Variants in CHRNB3 observed in about 807,000 individuals in gnomAD.
The protein encoded by CHRNB3 is neuronal acetylcholine receptor subunit beta-3.
CHRNB3 carries 37 observed loss-of-function variants against 40.6 expected under a neutral mutation model. The ratio of observed to expected loss-of-function variants is 0.91; its 90% CI spans 0.70 to 1.20. CHRNB3 has a LOEUF of 1.20. CHRNB3 is among the 50% of genes most tolerant of loss of function. The probability of loss-of-function intolerance (pLI) is 0.00; values close to 1 mark genes in which losing one functional copy is unlikely to be tolerated. For missense variants in CHRNB3, 505 were observed against 551.2 expected, an observed-to-expected ratio of 0.92 and a Z score of 0.84; for synonymous variants, 207 against 207.1, an observed-to-expected ratio of 1.00 and a Z score of 0.00.
chr8:42,726,507 T>G (rs1816312636), intron 3 of CHRNB3, among the ~76,000 whole-genome samples: 1 of 149,764 alleles, frequency 6.7e-6, no homozygotes, highest in Non-Finnish European at 1.5e-5. Flanking sequence ...TGAGATACAG[T>G]CTAGCTCTGT....
chr8:42,699,650 C>T (rs1586388720), intron 1 of CHRNB3: 1 of 152,150 alleles, frequency 6.6e-6, no homozygotes, highest in East Asian at 1.9e-4. Flanking sequence ...ATCCCAGCTG[C>T]TCGGGAGACT....
chr8:42,697,903 G>A (rs184608118), intron 1 of CHRNB3, among the ~76,000 whole-genome samples: 3 of 152,128 alleles, frequency 2.0e-5, no homozygotes, highest in Admixed American at 6.5e-5. Flanking sequence ...AATGCACTGA[G>A]CATTACTCAG....
chr8:42,700,026 T>C lies in CHRNB3; in HGVS notation c.52+2428T>C, dbSNP rs552012830. 1.3e-3 allele frequency among the ~76,000 whole-genome samples: 200 copies of C among 152,086 alleles called. 8 individuals are homozygous for C. The South Asian group carries it at 0.04, about 30-fold the overall frequency. ...TCTTCAATAATTTCTTTTCTTTTTT[T>C]TTTTTGAGATGGAGTCTCGCTCTGT... On this transcript the variant is annotated intron_variant, in intron 1 of 5. Transcript: ENST00000289957.
intron 1 of CHRNB3, among the ~76,000 whole-genome samples, chr8:42,702,904 C>T (rs1445730137): frequency 1.3e-5 from 2 of 152,112 alleles, no homozygotes; most frequent in African/African-American, 2.4e-5. Flanking sequence ...TGAATTTTTG[C>T]AATAAGGGAA....
At chr8:42,726,157 T>C in intron 3 of CHRNB3, 1 of 1,360,926 alleles carries the variant, frequency 7.3e-7, no homozygotes, top group Non-Finnish European at 1.0e-6. Flanking sequence ...CTTTGAGGGC[T>C]TGATAAGCTG....
At chr8:42,731,327 G>A (rs184947815) in intron 4 of CHRNB3, among the ~76,000 whole-genome samples, 5 of 152,166 alleles carry the variant, frequency 3.3e-5, no homozygotes, top group African/African-American at 9.6e-5. Flanking sequence ...AGGCCGAGGC[G>A]GGCAATTCAT....
intron 1 of CHRNB3, among the ~76,000 whole-genome samples, chr8:42,701,509 A>T (rs9643853): frequency 6.6e-6 from 1 of 151,940 alleles, no homozygotes; most frequent in Non-Finnish European, 1.5e-5. Flanking sequence ...ATGCCACTGC[A>T]CCCCAGCTGG....
intron 3 of CHRNB3, among the ~76,000 whole-genome samples, chr8:42,711,902 C>T (rs1816022046): frequency 6.6e-6 from 1 of 152,046 alleles, no homozygotes; most frequent in South Asian, 2.1e-4. Flanking sequence ...TTGTTCCCAT[C>T]TTTGTGTCCA....
At chr8:42,712,864 T>TC (rs1208684287) in intron 3 of CHRNB3, among the ~76,000 whole-genome samples, 1 of 147,458 alleles carries the variant, frequency 6.8e-6, no homozygotes, top group Non-Finnish European at 1.5e-5. Flanking sequence ...GCTCTCTTTT[T>TC]TTTTTTTTTT....
chr8:42,720,582 C>A lies in CHRNB3; in HGVS notation c.250-10012C>A, dbSNP rs181571968. 1.6e-4 allele frequency among the ~76,000 whole-genome samples: 25 copies of A among 152,174 alleles called. No individual in the cohort carries two copies. The East Asian group carries it at 4.8e-3, about 29-fold the overall frequency. ...TACTGGTTTATCATCTGAGTCAGCCCCAGGATAAGAGGTTGAGGCAGCTGT... is the reference window on the plus strand; with the variant it reads ...TACTGGTTTATCATCTGAGTCAGCCACAGGATAAGAGGTTGAGGCAGCTGT... On this transcript the variant is annotated intron_variant, in intron 3 of 5. Transcript: ENST00000289957.
chr8:42,730,671 TC>T lies in CHRNB3; in HGVS notation c.328del (p.Leu110CysfsTer6), dbSNP rs1330589290. 2.5e-6 allele frequency: 4 copies of T among 1,607,368 alleles called. No homozygotes were observed. The highest frequency in any genetic ancestry group is 2.6e-6 in the Non-Finnish European group (3 of 1,174,986). ...ATTCCATTAAAGTTCCATCAGAATC[TC>T]TGTGGCTTCCTGACATAGTTCTCTT... ...IHSIKVPSES[L>X]WLPDIVLFEN... On this transcript the variant is annotated frameshift_variant, in exon 4 of 6. Coordinates refer to ENST00000289957, the MANE Select transcript of CHRNB3 (RefSeq NM_000749.5). LOFTEE classifies it high-confidence loss of function.
intron 1 of CHRNB3, among the ~76,000 whole-genome samples, chr8:42,701,262 G>A (rs1056140233): frequency 1.5e-5 from 2 of 130,596 alleles, no homozygotes; most frequent in African/African-American, 2.6e-5. Context: ...AGAGACCAAG[G>A]ATGCTGCAAT....
intron 2 of CHRNB3, 30 bp from the exon 3 acceptor site, chr8:42,710,360 A>G (rs1225805548): frequency 6.6e-7 from 1 of 1,519,348 alleles, no homozygotes; most frequent in Admixed American, 1.8e-5. Context: ...ACTTCAACTT[A>G]CAGTATTTTT....
intron 3 of CHRNB3, among the ~76,000 whole-genome samples, chr8:42,718,680 A>C (rs1237047928): frequency 0.21 from 8,524 of 40,502 alleles, 564 homozygotes; most frequent in Middle Eastern, 0.44. Flanking sequence ...CTCAAAAAAA[A>C]AAAAAAAAAA....
At chr8:42,718,263 T>C (rs996171648) in intron 3 of CHRNB3, among the ~76,000 whole-genome samples, 4 of 152,132 alleles carry the variant, frequency 2.6e-5, no homozygotes, top group Admixed American at 2.0e-4. Flanking sequence ...TTTAAGAATT[T>C]CACATCTAAG....
rs558335060 is a variant in CHRNB3 at position 42,702,709 on chromosome 8, A to G, written c.52+5111A>G. Among the ~76,000 whole-genome samples the G allele has an allele frequency of 4.6e-5, 7 of 152,096 alleles. No individual in the cohort carries two copies. The East Asian group carries it at 7.8e-4, about 17-fold the overall frequency. Reference sequence around the variant, plus strand: ...ACCCGGGAAGCAGAGGTTGCAGTGAACCAAGATTGCGCCACTGCACTCCAG... The same window carrying G: ...ACCCGGGAAGCAGAGGTTGCAGTGAGCCAAGATTGCGCCACTGCACTCCAG... On this transcript the variant is annotated intron_variant, in intron 1 of 5. Coordinates refer to ENST00000289957, the MANE Select transcript of CHRNB3 (RefSeq NM_000749.5).
rs763063614 is a variant in CHRNB3 at position 42,736,594 on chromosome 8, G to T, written c.1353G>T (p.Lys451Asn). ...GSVLIFTPAL[K>N]MWLHSYH ...TTCTGATTTTTACCCCTGCTTTGAA[G>T]ATGTGGCTACATAGTTACCATTAGG... Residue 451 changes from lysine (K) to asparagine (N), a missense_variant, in exon 6 of 6, where the codon AAG (lysine) becomes AAT (asparagine). Lys to Asn is a moderately conservative substitution (Grantham distance 94). Transcript: ENST00000289957. 6.2e-7 allele frequency: 1 copy of T among 1,614,210 alleles called. No individual in the cohort carries two copies. The highest frequency in any genetic ancestry group is 8.5e-7 in the Non-Finnish European group (1 of 1,180,038).
At chr8:42,720,111 CTT>C (rs869178430) in intron 3 of CHRNB3, among the ~76,000 whole-genome samples, 141 of 48,738 alleles carry the variant, frequency 2.9e-3, no homozygotes, top group African/African-American at 0.011. Context: ...CAGAAGCCTT[CTT>C]TTTTTTTTTT....
intron 3 of CHRNB3, among the ~76,000 whole-genome samples, chr8:42,717,842 T>C (rs1191531971): frequency 7.5e-5 from 11 of 147,158 alleles, no homozygotes; most frequent in African/African-American, 2.8e-4. Context: ...TTTTTTTTTT[T>C]TGAGGCAGAG....
Sources: allele counts gnomAD v4.1 joint callset (sites outside exome capture counted in the v4.1 genomes callset), GRCh38; gene constraint gnomAD v4.1.1; transcripts MANE v1.5; gene names NCBI Gene and HGNC (gene_info 2026-07-23, HGNC 2026-07-21).